DLG1: variants seen among roughly 807,000 people sequenced by gnomAD.
The protein encoded by DLG1 is discs large MAGUK scaffold protein 1.
In DLG1, 42 loss-of-function variants were observed where a neutral mutation model predicts 123.4. The observed-to-expected ratio is 0.34, with a 90% confidence interval of 0.27 to 0.44. The LOEUF is 0.44. Among genes scored for constraint, DLG1 ranks in the 20% least tolerant of loss-of-function variants. The pLI, the probability that DLG1 is intolerant of heterozygous loss-of-function variation, is 1.00. For synonymous variants in DLG1, 317 were observed against 356.2 expected (o/e 0.89, Z 1.24); for missense variants, 942 against 1,082.6 (o/e 0.87, Z 1.82).
At position 197,066,975 on chromosome 3, in the gene DLG1, A is replaced by G. The variant is rs564701578; in HGVS notation, c.2048-221T>C. 3.9e-5 allele frequency among the ~76,000 whole-genome samples: 6 copies of G among 152,254 alleles called. No individual in the cohort carries two copies. The East Asian group carries it at 1.2e-3, about 29-fold the overall frequency. On this transcript the variant is annotated intron_variant, in intron 19 of 24. Coordinates refer to ENST00000667157, the MANE Select transcript of DLG1 (RefSeq NM_001366207.1). Reference sequence around the variant, plus strand: ...AAAACAAAATACAAATGGGCTATATAATCAATATTATATTTTATAGATAAT... The same window carrying G: ...AAAACAAAATACAAATGGGCTATATGATCAATATTATATTTTATAGATAAT...
chr3:197,123,927 A>C (rs571255945), intron 11 of DLG1, among the ~76,000 whole-genome samples: 1 of 152,356 alleles, frequency 6.6e-6, no homozygotes, highest in East Asian at 1.9e-4. Flanking sequence ...TAAAATTGGT[A>C]CCCTTACTGA....
At chr3:197,245,519 G>A (rs1751186691) in intron 4 of DLG1, among the ~76,000 whole-genome samples, 1 of 152,134 alleles carries the variant, frequency 6.6e-6, no homozygotes, top group African/African-American at 2.4e-5. Flanking sequence ...TCTGTAACTT[G>A]TTTTGCTAGA....
chr3:197,155,772 A>C (rs1388982821), intron 5 of DLG1, among the ~76,000 whole-genome samples: 1 of 152,154 alleles, frequency 6.6e-6, no homozygotes, highest in Non-Finnish European at 1.5e-5. Context: ...CTCTACAAAC[A>C]AAACAAAACA....
intron 4 of DLG1, among the ~76,000 whole-genome samples, chr3:197,209,114 T>C (rs1259038982): frequency 1.4e-5 from 2 of 146,130 alleles, no homozygotes; most frequent in East Asian, 2.0e-4. Flanking sequence ...CACTAAATGA[T>C]GTTGAGAATC....
chr3:197,074,300 A>G (rs551619680), intron 18 of DLG1, among the ~76,000 whole-genome samples: 2 of 152,200 alleles, frequency 1.3e-5, no homozygotes, highest in East Asian at 3.9e-4. Context: ...CTCTCCAGAA[A>G]ATAAAATCTT....
At chr3:197,045,859 T>G (rs1722666100) in intron 24 of DLG1, among the ~76,000 whole-genome samples, 1 of 152,210 alleles carries the variant, frequency 6.6e-6, no homozygotes, top group African/African-American at 2.4e-5. Flanking sequence ...ATCATAGGTG[T>G]AGATTTCCAT....
At chr3:197,102,749 C>T (rs754771995) in intron 14 of DLG1, among the ~76,000 whole-genome samples, 6 of 152,138 alleles carry the variant, frequency 3.9e-5, no homozygotes, top group African/African-American at 4.8e-5. Flanking sequence ...GTGGCAGGTG[C>T]CTGTAATCCC....
intron 18 of DLG1, chr3:197,070,409 G>C (rs557640196): frequency 1.3e-5 from 2 of 148,856 alleles, no homozygotes; most frequent in Non-Finnish European, 3.0e-5. Flanking sequence ...ACCATGCCCT[G>C]CTAAAATTTT....
chr3:197,264,134 TTTAG>T (rs147445371), intron 4 of DLG1, among the ~76,000 whole-genome samples: 21,662 of 152,056 alleles, frequency 0.14, 2,117 homozygotes, highest in African/African-American at 0.28. Flanking sequence ...AAGAACAAAT[TTTAG>T]TTAAACTCCT....
intron 4 of DLG1, among the ~76,000 whole-genome samples, chr3:197,215,527 T>C (rs987503154): frequency 6.6e-6 from 1 of 152,120 alleles, no homozygotes; most frequent in Non-Finnish European, 1.5e-5. Context: ...CAGAAAACAC[T>C]GGTAATTTGA....
At chr3:197,267,299 C>A (rs1762081383) in intron 4 of DLG1, among the ~76,000 whole-genome samples, 1 of 152,066 alleles carries the variant, frequency 6.6e-6, no homozygotes, top group East Asian at 1.9e-4. Context: ...TAGCAAATGC[C>A]ACCAAAAAAT....
At chr3:197,200,700 A>G (rs1206407695) in intron 4 of DLG1, among the ~76,000 whole-genome samples, 1 of 152,228 alleles carries the variant, frequency 6.6e-6, no homozygotes, top group Non-Finnish European at 1.5e-5. Context: ...GTGATACATC[A>G]CATAAACAGA....
At chr3:197,072,607 T>C (rs1260103367) in intron 18 of DLG1, among the ~76,000 whole-genome samples, 1 of 151,556 alleles carries the variant, frequency 6.6e-6, no homozygotes, top group East Asian at 1.9e-4. Context: ...TAAAAACTTA[T>C]AAAGATATTA....
intron 11 of DLG1, among the ~76,000 whole-genome samples, chr3:197,126,553 T>C (rs1779237076): frequency 6.6e-6 from 1 of 151,944 alleles, no homozygotes; most frequent in African/African-American, 2.4e-5. Context: ...GGTTATTAGA[T>C]AGGCAGCATT....
At chr3:197,163,255 G>A (rs1427864298) in intron 5 of DLG1, among the ~76,000 whole-genome samples, 4 of 152,182 alleles carry the variant, frequency 2.6e-5, no homozygotes, top group East Asian at 1.9e-4. Flanking sequence ...TACAATGCTG[G>A]TGGGAAATGT....
chr3:197,234,502 T>C (rs1369068861), intron 4 of DLG1, among the ~76,000 whole-genome samples: 1 of 152,222 alleles, frequency 6.6e-6, no homozygotes, highest in African/African-American at 2.4e-5. Flanking sequence ...TAAATGATGA[T>C]ATATTCCTGT....
chr3:197,127,741 GAT>G (rs1328382904), intron 11 of DLG1, among the ~76,000 whole-genome samples: 1 of 151,608 alleles, frequency 6.6e-6, no homozygotes, highest in Admixed American at 6.6e-5. Flanking sequence ...ATACCTCAGA[GAT>G]ATTACAGTTC....
chr3:197,232,880 T>C (rs1743981442), intron 4 of DLG1, among the ~76,000 whole-genome samples: 1 of 152,108 alleles, frequency 6.6e-6, no homozygotes, highest in South Asian at 2.1e-4. Flanking sequence ...AAAACCTACA[T>C]TTAACACCAT....
At chr3:197,059,127 G>A (rs1030934247) in intron 23 of DLG1, among the ~76,000 whole-genome samples, 1 of 152,086 alleles carries the variant, frequency 6.6e-6, no homozygotes, top group African/African-American at 2.4e-5. Context: ...GGGTTTCACC[G>A]TGTTGGCCAG....
Sources: gnomAD v4.1 joint callset for allele counts (sites outside exome capture counted in the v4.1 genomes callset) on GRCh38, gnomAD v4.1.1 for gene constraint, MANE v1.5 for transcripts, NCBI Gene and HGNC (gene_info 2026-07-23, HGNC 2026-07-21) for gene names.